The following PLEKHA5 variants were observed in gnomAD, a reference collection of about 807,000 sequenced individuals.
PLEKHA5 encodes pleckstrin homology domain-containing family A member 5.
Under a neutral mutation model 181.9 loss-of-function variants are expected in PLEKHA5, and 55 were observed. That is an observed-to-expected ratio of 0.30 (90% CI 0.24 to 0.38). The LOEUF (loss-of-function observed/expected upper bound fraction) is 0.38. Among genes scored for constraint, PLEKHA5 ranks in the 10% least tolerant of loss-of-function variants. The probability of loss-of-function intolerance (pLI) is 1.00; values close to 1 mark genes in which losing one functional copy is unlikely to be tolerated. For missense variants in PLEKHA5, 1,432 were observed against 1,549.5 expected (o/e 0.92, Z 1.27); for synonymous variants, 535 against 529.4 (o/e 1.01, Z -0.15).
At chr12:19,341,990 C>T (rs546322604) in intron 21 of PLEKHA5, among the ~76,000 whole-genome samples, 1 of 152,134 alleles carries the variant, frequency 6.6e-6, no homozygotes, top group Non-Finnish European at 1.5e-5. Context: ...ACTTCAGCCT[C>T]CCAAAGTGCT....
intron 17 of PLEKHA5, 113 bp downstream of exon 17, chr12:19,320,169 A>G: frequency 4.7e-6 from 2 of 429,482 alleles, no homozygotes; most frequent in Non-Finnish European, 8.1e-6. Flanking sequence ...TATACCGTGA[A>G]GGATGGTTTT....
chr12:19,156,317 T>G (rs1338862827), intron 3 of PLEKHA5, among the ~76,000 whole-genome samples: 1 of 152,084 alleles, frequency 6.6e-6, no homozygotes, highest in African/African-American at 2.4e-5. Flanking sequence ...GTGTGAAAAT[T>G]TGGTTTTTTA....
At chr12:19,222,649 C>G (rs893997383) in intron 3 of PLEKHA5, among the ~76,000 whole-genome samples, 2 of 152,094 alleles carry the variant, frequency 1.3e-5, no homozygotes, top group African/African-American at 4.8e-5. Flanking sequence ...TTGAGTCAGA[C>G]CCACAGGGAT....
chr12:19,317,535 G>A (rs560912745), intron 16 of PLEKHA5, among the ~76,000 whole-genome samples: 1 of 151,792 alleles, frequency 6.6e-6, no homozygotes, highest in East Asian at 1.9e-4. Flanking sequence ...TTTGCCATCT[G>A]TGGATATAAT....
At chr12:19,156,167 T>A (rs936493373) in intron 3 of PLEKHA5, among the ~76,000 whole-genome samples, 1 of 151,882 alleles carries the variant, frequency 6.6e-6, no homozygotes, top group African/African-American at 2.4e-5. Context: ...TTGGGGGTGG[T>A]CAAAAGGTTA....
At chr12:19,154,082 A>G (rs182621060) in intron 3 of PLEKHA5, 1 of 152,312 alleles carries the variant, frequency 6.6e-6, no homozygotes, top group East Asian at 1.9e-4. Context: ...TAAGTGTAGA[A>G]TATGCCATCA....
chr12:19,179,922 A>T lies in PLEKHA5; in HGVS notation c.227+47472A>T, dbSNP rs571691981. ...GCTATATTTCCCAGGCCGGACTTCA[A>T]CTCCTAGACTCAAGATATCCTCCTG... On this transcript the variant is annotated intron_variant, in intron 3 of 31. Transcript: ENST00000429027. Among the ~76,000 whole-genome samples the T allele has an allele frequency of 1.7e-4, 26 of 152,226 alleles. No individual in the cohort carries two copies. In the South Asian group the frequency reaches 2.5e-3, roughly 15 times the overall value.
intron 7 of PLEKHA5, among the ~76,000 whole-genome samples, chr12:19,264,293 C>G (rs959622696): frequency 6.6e-6 from 1 of 152,002 alleles, no homozygotes; most frequent in African/African-American, 2.4e-5. Context: ...AACGGCCTCA[C>G]GTAATCTAGG....
At chr12:19,230,880 G>A (rs569055309) in intron 3 of PLEKHA5, among the ~76,000 whole-genome samples, 60 of 152,328 alleles carry the variant, frequency 3.9e-4, no homozygotes, top group African/African-American at 1.3e-3. Flanking sequence ...CTGAGAGCAC[G>A]CGAGGGCTGC....
chr12:19,226,005 T>C (rs960051480), intron 3 of PLEKHA5, among the ~76,000 whole-genome samples: 1 of 152,214 alleles, frequency 6.6e-6, no homozygotes, highest in Non-Finnish European at 1.5e-5. Flanking sequence ...ACGTTAGTTA[T>C]TTTTCAATTG....
At chr12:19,263,925 A>G (rs982281981) in intron 7 of PLEKHA5, among the ~76,000 whole-genome samples, 2 of 152,160 alleles carry the variant, frequency 1.3e-5, no homozygotes, top group African/African-American at 4.8e-5. Flanking sequence ...ACTCTTTGTC[A>G]GTCTATGAGT....
rs770413546 is a variant in PLEKHA5, at chr12:19,343,344, C to A, written c.2572C>A (p.Arg858Ser). 10 of 1,612,466 alleles carry A rather than the reference C, an allele frequency of 6.2e-6. No homozygotes were observed. The highest frequency in any genetic ancestry group is 7.6e-6 in the Non-Finnish European group (9 of 1,178,674). Residue 858 changes from arginine (R) to serine (S), a missense_variant, in exon 22 of 32, where the codon CGT becomes AGT. Transcript: ENST00000429027. ...EVQTESAGIQ[R>S]AQIQKELWRI... ...ATAGACGGAATCAGCAGGAATTCAG[C>A]GTGCACAGATTCAGAAAGAACTTTG...
chr12:19,280,536 A>G (rs2075840815), intron 11 of PLEKHA5, among the ~76,000 whole-genome samples: 1 of 152,104 alleles, frequency 6.6e-6, no homozygotes, highest in African/African-American at 2.4e-5. Flanking sequence ...TTTCACAACC[A>G]GTAGGAGCCC....
chr12:19,147,757 A>G (rs2039309134), intron 3 of PLEKHA5, among the ~76,000 whole-genome samples: 1 of 152,144 alleles, frequency 6.6e-6, no homozygotes, highest in African/African-American at 2.4e-5. Flanking sequence ...ATTTTTAGAG[A>G]CAGGGTCTCA....
intron 15 of PLEKHA5, among the ~76,000 whole-genome samples, chr12:19,298,796 G>A (rs1483974625): frequency 1.3e-5 from 2 of 152,140 alleles, no homozygotes; most frequent in East Asian, 1.9e-4. Context: ...AGCATTTATT[G>A]AATACATCTT....
chr12:19,254,039 C>T lies in PLEKHA5; in HGVS notation c.311+16C>T, dbSNP rs1229351296. The T allele has an allele frequency of 7.1e-7, 1 of 1,417,872 alleles. No homozygotes were observed. The highest frequency in any genetic ancestry group is 1.4e-5 in the African/African-American group (1 of 69,846). 87.8% of individuals were successfully genotyped at this position (1,417,872 alleles called of 1,614,324 possible). On this transcript the variant is annotated intron_variant, in intron 4 of 31. Transcript: ENST00000429027. ...TGAATGAACAGTAAGTAAAGAGTTT[C>T]ATGGAATGCCTGTATTCAAAATTGG...
At chr12:19,345,672 A>G (rs2094284585) in intron 22 of PLEKHA5, among the ~76,000 whole-genome samples, 170 bp from the exon 23 acceptor site, 2 of 152,080 alleles carry the variant, frequency 1.3e-5, no homozygotes, top group South Asian at 4.1e-4. Flanking sequence ...CTGAGGCACA[A>G]GAATTGCTTG....
rs764189952 is a variant in PLEKHA5, at chr12:19,130,139, G to A, written c.169+9G>A. ...CCGGCGGCAGAGCACAGGTAACGCC[G>A]GGCCCAAACGGAGTTGGGCTCCGCC... is the stretch of plus-strand genomic sequence containing the variant. On this transcript the variant is annotated intron_variant, in intron 2 of 31. Transcript: ENST00000429027. This position sits in a 1 kb window ranked among gnomAD's most constrained non-coding sequence, Gnocchi z 4.5. 2.4e-5 allele frequency: 37 copies of A among 1,543,246 alleles called. No individual in the cohort carries two copies. In the Middle Eastern group the frequency reaches 5.2e-4, roughly 21 times the overall value.
intron 3 of PLEKHA5, among the ~76,000 whole-genome samples, chr12:19,250,446 C>T (rs1395626458): frequency 1.3e-5 from 2 of 151,966 alleles, no homozygotes; most frequent in Admixed American, 6.6e-5. Flanking sequence ...AGCCAGGCGT[C>T]GTGGTGCATA....
Sources: allele counts gnomAD v4.1 joint callset (sites outside exome capture counted in the v4.1 genomes callset), GRCh38; gene constraint gnomAD v4.1.1; non-coding constraint Gnocchi (gnomAD v3.1); transcripts MANE v1.5; gene names NCBI Gene and HGNC (gene_info 2026-07-23, HGNC 2026-07-21).